NLGN4X: variants seen among roughly 807,000 people sequenced by gnomAD.
NLGN4X encodes neuroligin 4 X-linked.
In NLGN4X, 3 loss-of-function variants were observed where a neutral mutation model predicts 40.3. The observed-to-expected ratio is 0.07, with a 90% CI of 0.03 to 0.19. The LOEUF is 0.19. NLGN4X is among the 10% of genes least tolerant of loss of function. The pLI, the probability that NLGN4X is intolerant of heterozygous loss-of-function variation, is 1.00. For synonymous variants in NLGN4X, 270 were observed against 306.8 expected, an observed-to-expected ratio of 0.88 and a Z score of 1.25; for missense variants, 382 against 708.3, an observed-to-expected ratio of 0.54 and a Z score of 5.23.
chrX:5,952,156 T>C lies in NLGN4X; in HGVS notation c.626-42917A>G, dbSNP rs542936033. Reference sequence around the variant, plus strand: ...CTGGTGAAGTGGTGAGGCTATATACTGATTGGAGTGAATTTAAGAAAGGAT... The same window carrying C: ...CTGGTGAAGTGGTGAGGCTATATACCGATTGGAGTGAATTTAAGAAAGGAT... On this transcript the variant is annotated intron_variant, in intron 3 of 5. Coordinates refer to ENST00000381095, the MANE Select transcript of NLGN4X (RefSeq NM_181332.3). Among the ~76,000 whole-genome samples the C allele has an allele frequency of 4.5e-5, 5 of 111,488 alleles. No homozygotes were observed. The South Asian group carries it at 1.9e-3, about 42-fold the overall frequency.
At chrX:6,152,112 G>A (rs753248300) in intron 1 of NLGN4X, among the ~76,000 whole-genome samples, 2 of 110,599 alleles carry the variant, frequency 1.8e-5, no homozygotes, top group African/African-American at 3.3e-5. Flanking sequence ...CACTATGTCC[G>A]GCTAATTCGT....
chrX:6,213,054 A>C (rs1209306695), intron 1 of NLGN4X, among the ~76,000 whole-genome samples: 1 of 104,152 alleles, frequency 9.6e-6, no homozygotes, highest in Admixed American at 1.0e-4. Flanking sequence ...CACTTTAGGG[A>C]CTTGGTTTCA....
chrX:6,060,930 C>T (rs1332335616), intron 2 of NLGN4X, among the ~76,000 whole-genome samples: 1 of 111,592 alleles, frequency 9.0e-6, no homozygotes, highest in African/African-American at 3.3e-5. Context: ...ACTGTCCACA[C>T]CTCTCAAGGG....
intron 2 of NLGN4X, 61 bp downstream of exon 2, chrX:6,150,934 T>A: frequency 1.0e-6 from 1 of 965,330 alleles, no homozygotes; most frequent in South Asian, 1.9e-5. Flanking sequence ...AAAACCCTCC[T>A]AGCAAATCTC....
chrX:5,892,929 G>C lies in NLGN4X; in HGVS notation c.2339C>G (p.Thr780Ser), dbSNP rs1434292547. 1 of 1,209,444 alleles carries C rather than the reference G, an allele frequency of 8.3e-7. No individual in the cohort carries two copies. The highest frequency in any genetic ancestry group is 1.8e-5 in the African/African-American group (1 of 56,906). Reference protein sequence around the residue: ...DIPLMTPNTITMIPNTLTGMQ... With the variant: ...DIPLMTPNTISMIPNTLTGMQ... ...CCCCGTCAGTGTGTTTGGAATCATGGTGATGGTGTTTGGCGTCATAAGTGG... is the reference window on the plus strand; with the variant it reads ...CCCCGTCAGTGTGTTTGGAATCATGCTGATGGTGTTTGGCGTCATAAGTGG... The change falls in exon 6 of 6, where the codon ACC (threonine) becomes AGC (serine). Residue 780 changes from threonine (T) to serine (S), a missense_variant. Transcript: ENST00000381095.
intron 1 of NLGN4X, chrX:6,187,464 C>CT (rs2147821144): frequency 9.0e-6 from 1 of 111,700 alleles, no homozygotes; most frequent in East Asian, 2.9e-4. Flanking sequence ...CGCCAGGAGG[C>CT]ACGCACACAT....
chrX:6,111,392 C>T (rs918616765), intron 2 of NLGN4X, among the ~76,000 whole-genome samples: 1 of 111,163 alleles, frequency 9.0e-6, no homozygotes, highest in Non-Finnish European at 1.9e-5. Context: ...CCTCACTAGA[C>T]ACTGAATCTG....
intron 1 of NLGN4X, among the ~76,000 whole-genome samples, chrX:6,207,089 G>A (rs1163247904): frequency 9.0e-6 from 1 of 110,635 alleles, no homozygotes; most frequent in African/African-American, 3.3e-5. Flanking sequence ...TTTAGAATTG[G>A]GAATTGAGAA....
intron 2 of NLGN4X, among the ~76,000 whole-genome samples, chrX:6,062,699 TAGTG>T (rs1185738375): frequency 1.8e-5 from 2 of 110,356 alleles, no homozygotes; most frequent in African/African-American, 6.6e-5. Context: ...GTTCTGGTGA[TAGTG>T]AGTAAGTATC....
intron 3 of NLGN4X, among the ~76,000 whole-genome samples, chrX:5,980,282 C>T (rs778588033): frequency 1.9e-4 from 21 of 109,201 alleles, no homozygotes; most frequent in Non-Finnish European, 2.9e-4. Flanking sequence ...ATACCTTCAT[C>T]CGATATTTAA....
At chrX:6,150,148 A>C (rs2040134634) in intron 2 of NLGN4X, among the ~76,000 whole-genome samples, 1 of 111,429 alleles carries the variant, frequency 9.0e-6, no homozygotes, top group South Asian at 3.7e-4. Flanking sequence ...TCATCTAAAA[A>C]CGGCATATGG....
chrX:5,891,271 C>T lies in NLGN4X; in HGVS notation c.*1546G>A, dbSNP rs2031155053. On this transcript the variant is annotated 3_prime_UTR_variant, in exon 6 of 6. Coordinates refer to ENST00000381095, the MANE Select transcript of NLGN4X (RefSeq NM_181332.3). ...GAAGTTATCCTAATTTCCCAGAAAA[C>T]CCATGCAAAGCAGTTTTAATATTCT... 4.2e-6 allele frequency: 1 copy of T among 237,259 alleles called. No homozygotes were observed. The highest frequency in any genetic ancestry group is 7.6e-6 in the Non-Finnish European group (1 of 131,065). 19.6% of individuals were successfully genotyped at this position (237,259 alleles called of 1,213,427 possible).
intron 3 of NLGN4X, among the ~76,000 whole-genome samples, chrX:5,916,979 C>T (rs1204904796): frequency 2.7e-5 from 3 of 112,362 alleles, no homozygotes. Context: ...TCTGTGTGGG[C>T]CCATGTGACC....
Position 5,903,260 on chromosome X carries a change from T to C in NLGN4X, c.1418A>G (p.Tyr473Cys). The C allele has an allele frequency of 8.3e-7, 1 of 1,211,284 alleles. No individual in the cohort carries two copies. Among genetic ancestry groups the C allele is most frequent in the Non-Finnish European group, 1.1e-6 (1 of 895,335 alleles). Residue 473 changes from tyrosine (Y) to cysteine (C), a missense_variant, in exon 5 of 6, where the codon TAT becomes TGT. Physicochemically the swap from Tyr to Cys is radical, Grantham distance 194. This residue lies in a region of NLGN4X where 149 missense variants were observed against 375.8 expected (regional missense o/e 0.40). Transcript: ENST00000381095. ...YGSPTYFYAF[Y>C]HHCQSEMKPS... Reference sequence around the variant, plus strand: ...CTTCATTTCGCTTTGGCAGTGATGATAGAAGGCATAGAAGTAGGTGGGGGA... The same window carrying C: ...CTTCATTTCGCTTTGGCAGTGATGACAGAAGGCATAGAAGTAGGTGGGGGA...
chrX:5,912,882 A>AGGAG, intron 3 of NLGN4X, among the ~76,000 whole-genome samples: 1 of 71,507 alleles, frequency 1.4e-5, no homozygotes, highest in African/African-American at 5.3e-5. Context: ...GGAGGAAGGA[A>AGGAG]GGAAGGAAGG....
chrX:6,017,230 A>G (rs1239621162), intron 3 of NLGN4X, among the ~76,000 whole-genome samples: 2 of 112,208 alleles, frequency 1.8e-5, no homozygotes, highest in Non-Finnish European at 3.8e-5. Context: ...AGCCATTAAA[A>G]GTATCAGAAG....
In NLGN4X at chrX:5,903,217, C is replaced by A. The variant is rs755401801; in HGVS notation, c.1461G>T (p.Ser487=). 1 of 1,211,733 alleles carries A rather than the reference C, an allele frequency of 8.3e-7. No individual in the cohort carries two copies. The highest frequency in any genetic ancestry group is 3.0e-5 in the East Asian group (1 of 33,803). Residue 487 remains serine (S), a synonymous_variant, in exon 5 of 6, where the codon TCG becomes TCT. Coordinates refer to ENST00000381095, the MANE Select transcript of NLGN4X (RefSeq NM_181332.3). ...QSEMKPSWAD[S]AHGDEVPYVF... Reference sequence around the variant, plus strand: ...CATAGGGGACCTCATCACCATGGGCCGAATCTGCCCAGCTGGGCTTCATTT... The same window carrying A: ...CATAGGGGACCTCATCACCATGGGCAGAATCTGCCCAGCTGGGCTTCATTT...
At chrX:6,154,707 T>C (rs1413993267) in intron 1 of NLGN4X, among the ~76,000 whole-genome samples, 1 of 112,324 alleles carries the variant, frequency 8.9e-6, no homozygotes, top group Non-Finnish European at 1.9e-5. Context: ...AAAACTTCAT[T>C]AAATATATAC....
intron 3 of NLGN4X, among the ~76,000 whole-genome samples, chrX:6,019,347 T>A (rs1025987351): frequency 2.7e-5 from 3 of 111,800 alleles, no homozygotes; most frequent in Non-Finnish European, 5.6e-5. Context: ...ATATGTGTAG[T>A]AGTCTTACAT....
Sources: gnomAD v4.1 joint callset for allele counts (sites outside exome capture counted in the v4.1 genomes callset) on GRCh38, gnomAD v4.1.1 for gene constraint, gnomAD v4.1.1 regional missense constraint, MANE v1.5 for transcripts, NCBI Gene and HGNC (gene_info 2026-07-23, HGNC 2026-07-21) for gene names.